The following ITGA1 variants were observed in gnomAD, a reference collection of about 807,000 sequenced individuals.
ITGA1 encodes the protein integrin subunit alpha 1, also known as integrin alpha-1.
In ITGA1, 85 loss-of-function variants were observed where a neutral mutation model predicts 145.9. The observed-to-expected ratio is 0.58, with a 90% CI of 0.49 to 0.70. The LOEUF is 0.70. Ranked by LOEUF, ITGA1 falls within the 30% of genes least tolerant of loss-of-function variation. The pLI, the probability that ITGA1 is intolerant of heterozygous loss-of-function variation, is 0.00. For missense variants in ITGA1, 1,351 were observed against 1,418.7 expected, an observed-to-expected ratio of 0.95 and a Z score of 0.77; for synonymous variants, 520 against 495.3, an observed-to-expected ratio of 1.05 and a Z score of -0.66.
rs10060045 is a variant in ITGA1, at chr5:52,858,129, T to A, written c.183-3318T>A. On this transcript the variant is annotated intron_variant, in intron 2 of 28. Transcript: ENST00000282588. ...ATCTTGTCATTTGACTCTAATTTTGTTCCTCTTCAATTTACTTATGACACT... is the reference window on the plus strand; with the variant it reads ...ATCTTGTCATTTGACTCTAATTTTGATCCTCTTCAATTTACTTATGACACT... Among the ~76,000 whole-genome samples the A allele has an allele frequency of 6.9e-3, 1,054 of 152,308 alleles. 16 individuals carry two copies. The highest frequency in any genetic ancestry group is 0.024 in the African/African-American group (1,009 of 41,578).
chr5:52,900,859 A>T (rs1227031223), intron 11 of ITGA1, among the ~76,000 whole-genome samples: 2 of 152,214 alleles, frequency 1.3e-5, no homozygotes, highest in African/African-American at 4.8e-5. Context: ...CACACAGTTA[A>T]CACTCAATGG....
At chr5:52,859,558 T>C (rs1362442510) in intron 2 of ITGA1, among the ~76,000 whole-genome samples, 1 of 152,214 alleles carries the variant, frequency 6.6e-6, no homozygotes, top group Non-Finnish European at 1.5e-5. Context: ...TTATTTTCAT[T>C]AATACTAGCA....
chr5:52,943,831 G>A (rs1034932058), intron 26 of ITGA1, among the ~76,000 whole-genome samples: 5 of 152,144 alleles, frequency 3.3e-5, no homozygotes, highest in Admixed American at 2.0e-4. Flanking sequence ...CTCCTGAGAC[G>A]GACATGCCAT....
At position 52,912,877 on chromosome 5, in the gene ITGA1, A is replaced by G. The variant is rs184133138; in HGVS notation, c.1857+2458A>G. On this transcript the variant is annotated intron_variant, in intron 14 of 28. Coordinates refer to ENST00000282588, the MANE Select transcript of ITGA1 (RefSeq NM_181501.2). ...TTCTCCTGCTTTAGTCTCCCGAGGA[A>G]CTGGGACTACAGGCTCCCGCCACCA... 8.0e-3 allele frequency among the ~76,000 whole-genome samples: 1,219 copies of G among 151,670 alleles called. 11 individuals carry two copies. The highest frequency in any genetic ancestry group is 0.021 in the South Asian group (103 of 4,808).
At chr5:52,838,489 G>C (rs1231771782) in intron 1 of ITGA1, among the ~76,000 whole-genome samples, 3 of 152,068 alleles carry the variant, frequency 2.0e-5, no homozygotes, top group Non-Finnish European at 2.9e-5. Context: ...GTTAATGATT[G>C]ACCACTTGTG....
intron 6 of ITGA1, among the ~76,000 whole-genome samples, chr5:52,871,485 G>A (rs1296377567): frequency 6.6e-6 from 1 of 152,070 alleles, no homozygotes; most frequent in African/African-American, 2.4e-5. Context: ...TGGTACAATA[G>A]ATATAGATTG....
At position 52,865,724 on chromosome 5, in the gene ITGA1, G is replaced by A; in HGVS notation, c.531G>A (p.Leu177=). ...CTCAACTGGACATAGTCATAGTGCT[G>A]GATGGTTCCAACAGTATTTACCCAT... ...CSTQLDIVIV[L]DGSNSIYPWD... Residue 177 remains leucine, a synonymous_variant, in exon 6 of 29, where the codon CTG becomes CTA. Transcript: ENST00000282588. 2 of 1,592,458 alleles carry A rather than the reference G, an allele frequency of 1.3e-6. No homozygotes were observed. Among genetic ancestry groups the A allele is most frequent in the Non-Finnish European group, 8.5e-7 (1 of 1,172,856 alleles).
intron 6 of ITGA1, among the ~76,000 whole-genome samples, chr5:52,870,239 C>G (rs909207320): frequency 6.6e-6 from 1 of 152,160 alleles, no homozygotes; most frequent in Non-Finnish European, 1.5e-5. Flanking sequence ...TGAAAGCATT[C>G]AATTCCACCC....
At chr5:52,801,590 A>C in intron 1 of ITGA1, 1 of 1,614,124 alleles carries the variant, frequency 6.2e-7, no homozygotes. Flanking sequence ...GAGAAGGCCA[A>C]TGAAGCCATG....
intron 1 of ITGA1, among the ~76,000 whole-genome samples, chr5:52,831,419 C>CCA (rs1475091585): frequency 6.6e-6 from 1 of 152,056 alleles, no homozygotes; most frequent in Non-Finnish European, 1.5e-5. Flanking sequence ...CAGGAGTGAG[C>CCA]CACTGCACCC....
chr5:52,868,345 A>T (rs1430106277), intron 6 of ITGA1, among the ~76,000 whole-genome samples: 2 of 152,236 alleles, frequency 1.3e-5, no homozygotes, highest in Non-Finnish European at 2.9e-5. Flanking sequence ...CGGCTCTTTT[A>T]GAACAATAAT....
intron 1 of ITGA1, among the ~76,000 whole-genome samples, chr5:52,817,353 G>A (rs1436341553): frequency 6.6e-6 from 1 of 152,098 alleles, no homozygotes; most frequent in East Asian, 1.9e-4. Context: ...CATTTATAAA[G>A]GAGGGATAAA....
At position 52,929,700 on chromosome 5, in the gene ITGA1, A is replaced by G; in HGVS notation, c.2770A>G (p.Ser924Gly). 1 of 1,565,604 alleles carries G rather than the reference A, an allele frequency of 6.4e-7. No homozygotes were observed. The highest frequency in any genetic ancestry group is 1.1e-5 in the South Asian group (1 of 88,882). Residue 924 changes from serine (S) to glycine (G), a missense_variant and splice_region_variant, in exon 21 of 29, where the codon AGT becomes GGT. Physicochemically the swap from Ser to Gly is moderately conservative, Grantham distance 56 (BLOSUM62 0). Transcript: ENST00000282588. ...ENVTIYLSAT[S>G]DSEEPPETLS... ...TGTGACCATTTATTTAAGTGCAACA[A>G]GGTTGGTTTACATGTGTATAAATGT...
intron 1 of ITGA1, chr5:52,824,627 G>T (rs1439833210): frequency 6.6e-6 from 1 of 152,100 alleles, no homozygotes; most frequent in Non-Finnish European, 1.5e-5. Context: ...AAGTAACCAA[G>T]TAAAACATAT....
intron 23 of ITGA1, among the ~76,000 whole-genome samples, chr5:52,934,634 A>AT (rs74312007): frequency 0.065 from 9,866 of 151,942 alleles, 561 homozygotes; most frequent in Admixed American, 0.18. Context: ...ACGGAATTTT[A>AT]TTTTAGGTAA....
intron 24 of ITGA1, among the ~76,000 whole-genome samples, chr5:52,938,711 T>C (rs1251596618): frequency 6.6e-6 from 1 of 152,180 alleles, no homozygotes; most frequent in African/African-American, 2.4e-5. Context: ...CTTATAAATA[T>C]AGCATTTTAA....
chr5:52,898,614 G>T (rs1408586892), intron 11 of ITGA1, among the ~76,000 whole-genome samples: 1 of 151,976 alleles, frequency 6.6e-6, no homozygotes, highest in Non-Finnish European at 1.5e-5. Flanking sequence ...TGCAGGGAAT[G>T]GTTTAGGTTG....
chr5:52,925,551 C>T (rs1354078315), intron 19 of ITGA1, 64 bp downstream of exon 19: 4 of 1,201,460 alleles, frequency 3.3e-6, no homozygotes, highest in Non-Finnish European at 4.9e-6. Flanking sequence ...ACTTTTCATG[C>T]TACTGAGATA....
At chr5:52,913,997 A>T (rs1266572184) in intron 14 of ITGA1, among the ~76,000 whole-genome samples, 2 of 152,210 alleles carry the variant, frequency 1.3e-5, no homozygotes, top group African/African-American at 2.4e-5. Flanking sequence ...GTTCTTTCTT[A>T]TATTCTAATA....
Sources: allele counts gnomAD v4.1 joint callset (sites outside exome capture counted in the v4.1 genomes callset), GRCh38; gene constraint gnomAD v4.1.1; transcripts MANE v1.5; gene names NCBI Gene and HGNC (gene_info 2026-07-23, HGNC 2026-07-21).